The following TRPM7 variants were observed in gnomAD, a reference collection of about 807,000 sequenced individuals.
TRPM7 encodes LTRPC ion channel family member 7.
TRPM7 carries 134 observed loss-of-function variants against 229.7 expected under a neutral mutation model. The observed-to-expected ratio is 0.58, with a 90% CI of 0.51 to 0.67. TRPM7 has a LOEUF of 0.67. Ranked by LOEUF, TRPM7 falls within the 30% of genes least tolerant of loss-of-function variation. TRPM7 has a pLI of 0.00. For synonymous variants in TRPM7, 699 were observed against 715.2 expected (o/e 0.98, Z 0.36); for missense variants, 1,901 against 2,210.0 (o/e 0.86, Z 2.80).
At chr15:50,644,797 CAAAAAAAAAAAAAAAAA>C (rs201997665) in intron 4 of TRPM7, among the ~76,000 whole-genome samples, 1 of 64,824 alleles carries the variant, frequency 1.5e-5, no homozygotes. Context: ...AACTGCGTCT[CAAAAAAAAAAAAAAAAA>C]AAAAAAAAGA....
intron 13 of TRPM7, among the ~76,000 whole-genome samples, chr15:50,616,298 AT>A (rs937048007): frequency 7.9e-5 from 12 of 152,340 alleles, no homozygotes; most frequent in African/African-American, 2.6e-4. Context: ...AATAAAAAAA[AT>A]AGGGCTTATT....
intron 6 of TRPM7, among the ~76,000 whole-genome samples, chr15:50,638,904 C>T (rs2061004073): frequency 2.0e-5 from 3 of 152,170 alleles, no homozygotes; most frequent in Admixed American, 2.0e-4. Flanking sequence ...TGGTCGTGAA[C>T]TCCTGATCTC....
chr15:50,637,943 A>G (rs1240942061), intron 6 of TRPM7, among the ~76,000 whole-genome samples: 1 of 152,250 alleles, frequency 6.6e-6, no homozygotes, highest in Non-Finnish European at 1.5e-5. Flanking sequence ...GTGGCCAGGC[A>G]CAGTGGCTCA....
Position 50,651,438 on chromosome 15 carries a change from G to A in TRPM7, c.123-2553C>T, listed in dbSNP as rs11632447. Among the ~76,000 whole-genome samples, 7 of 152,088 alleles carry A rather than the reference G, an allele frequency of 4.6e-5. No homozygotes were observed. The South Asian group carries it at 8.3e-4, about 18-fold the overall frequency. ...AGGCGGGTGGATCACGAGGTCAGGA[G>A]ATCGAGACCATCCTGGCTAACACAG... On this transcript the variant is annotated intron_variant, in intron 3 of 38. Transcript: ENST00000646667.
chr15:50,677,976 A>G lies in TRPM7; in HGVS notation c.3+8555T>C, dbSNP rs2062133990. ...AGAAATTGGCTGGGCGCAGTGGCTC[A>G]TGCCTATAATCCCAGCACTTTGGGA... On this transcript the variant is annotated intron_variant, in intron 1 of 38. Transcript: ENST00000646667. 2.0e-5 allele frequency among the ~76,000 whole-genome samples: 3 copies of G among 151,962 alleles called. No individual in the cohort carries two copies. In the South Asian group the frequency reaches 6.2e-4, roughly 31 times the overall value.
In TRPM7 at chr15:50,575,093, T is replaced by C. The variant is rs181254698; in HGVS notation, c.4778A>G (p.Asn1593Ser). 344 of 1,613,956 alleles carry C rather than the reference T, an allele frequency of 2.1e-4. No homozygotes were observed. The highest frequency in any genetic ancestry group is 2.7e-4 in the Non-Finnish European group (321 of 1,179,880). Residue 1593 changes from asparagine to serine, a missense_variant, in exon 34 of 39, where the codon AAC (asparagine) becomes AGC (serine). Asn to Ser is a conservative substitution (Grantham distance 46, BLOSUM62 1). Around this residue, in one of 8 missense-constraint regions of TRPM7, gnomAD observed 257 missense variants for 352.0 expected, o/e 0.73. Transcript: ENST00000646667. ...TVYRLEESSP[N>S]ILNNSMSSWS... is the part of the protein sequence containing the mutation. The stretch of plus-strand genomic sequence containing the variant: ...AGAAGACATGCTGTTATTTAGTATG[T>C]TGGGTGAACTCTCTTCCAAACGATA...
intron 10 of TRPM7, among the ~76,000 whole-genome samples, 163 bp downstream of exon 10, chr15:50,631,254 T>C (rs1242001690): frequency 3.3e-5 from 5 of 152,220 alleles, no homozygotes; most frequent in Middle Eastern, 3.2e-3. Flanking sequence ...GAAACCAACA[T>C]TGTGTCTTTC....
At chr15:50,574,549 A>ATAAT in intron 35 of TRPM7, 70 bp from the exon 36 acceptor site, 1 of 1,542,452 alleles carries the variant, frequency 6.5e-7, no homozygotes, top group Non-Finnish European at 8.9e-7. Flanking sequence ...TACAAAATGG[A>ATAAT]TAATTAAATA....
In TRPM7 at chr15:50,620,676, A is replaced by G. The variant is rs375896499; in HGVS notation, c.1441-878T>C. ...CTGGGCGCGGTGGCTCAAGCCTATA[A>G]TCCCAGCACTTTGGGAGGCAGAAGC... On this transcript the variant is annotated intron_variant, in intron 12 of 38. Coordinates refer to ENST00000646667, the MANE Select transcript of TRPM7 (RefSeq NM_017672.6). Among the ~76,000 whole-genome samples the G allele has an allele frequency of 5.3e-5, 8 of 152,196 alleles. No homozygotes were observed. In the East Asian group the frequency reaches 1.3e-3, roughly 26 times the overall value.
At chr15:50,678,422 G>A (rs1197901335) in intron 1 of TRPM7, among the ~76,000 whole-genome samples, 1 of 150,214 alleles carries the variant, frequency 6.7e-6, no homozygotes. Flanking sequence ...GAAATAAGCT[G>A]GCACTCTCTG....
intron 1 of TRPM7, among the ~76,000 whole-genome samples, chr15:50,670,439 A>G (rs2061963463): frequency 1.3e-5 from 2 of 152,136 alleles, no homozygotes; most frequent in South Asian, 4.1e-4. Flanking sequence ...AGCTAGCCAA[A>G]ACCCACCAAA....
intron 38 of TRPM7, among the ~76,000 whole-genome samples, chr15:50,567,882 A>G (rs912325275): frequency 6.6e-6 from 1 of 151,982 alleles, no homozygotes; most frequent in Non-Finnish European, 1.5e-5. Context: ...AGGTCAGGAG[A>G]TCGAGACCAT....
At chr15:50,582,718 T>G (rs147961969) in intron 29 of TRPM7, among the ~76,000 whole-genome samples, 1 of 152,380 alleles carries the variant, frequency 6.6e-6, no homozygotes, top group African/African-American at 2.4e-5. Context: ...CTGACTTATA[T>G]ATAATACTTG....
At chr15:50,640,316 G>T (rs982566069) in intron 5 of TRPM7, among the ~76,000 whole-genome samples, 1 of 152,028 alleles carries the variant, frequency 6.6e-6, no homozygotes, top group Non-Finnish European at 1.5e-5. Flanking sequence ...CTATTGCCCA[G>T]GCTGGAGTGC....
chr15:50,606,631 T>C (rs1322778040), intron 20 of TRPM7, among the ~76,000 whole-genome samples: 1 of 151,952 alleles, frequency 6.6e-6, no homozygotes, highest in Non-Finnish European at 1.5e-5. Context: ...TCCAAGTAGC[T>C]GGGATTACAG....
chr15:50,591,753 C>T (rs537654175), intron 26 of TRPM7, among the ~76,000 whole-genome samples, 158 bp downstream of exon 26: 10 of 152,214 alleles, frequency 6.6e-5, no homozygotes. Flanking sequence ...CCCACTCAGC[C>T]TCCCAAAGTA....
At chr15:50,589,726 A>C (rs2059436638) in intron 26 of TRPM7, 70 bp from the exon 27 acceptor site, 1 of 989,820 alleles carries the variant, frequency 1.0e-6, no homozygotes, top group Non-Finnish European at 1.5e-6. Flanking sequence ...GGCACTGCTT[A>C]AAGTTTATAA....
chr15:50,616,184 T>C (rs1444125782), intron 13 of TRPM7, among the ~76,000 whole-genome samples: 1 of 152,146 alleles, frequency 6.6e-6, no homozygotes, highest in African/African-American at 2.4e-5. Context: ...ACAAATGTCA[T>C]GACGATCAAG....
chr15:50,615,393 C>A (rs1385956572), intron 13 of TRPM7, among the ~76,000 whole-genome samples: 1 of 152,006 alleles, frequency 6.6e-6, no homozygotes. Flanking sequence ...CCGCTTGCAA[C>A]ATTGTTTAAA....
Sources: allele counts gnomAD v4.1 joint callset (sites outside exome capture counted in the v4.1 genomes callset), GRCh38; gene constraint gnomAD v4.1.1; regional missense constraint gnomAD v4.1.1; transcripts MANE v1.5; gene names NCBI Gene and HGNC (gene_info 2026-07-23, HGNC 2026-07-21).